SHANK2: variants seen among roughly 807,000 people sequenced by gnomAD.
SHANK2 encodes the protein SH3 and multiple ankyrin repeat domains 2.
SHANK2 carries 43 observed loss-of-function variants against 133.7 expected under a neutral mutation model. The ratio of observed to expected loss-of-function variants is 0.32; its 90% CI spans 0.25 to 0.41. The LOEUF is 0.41. Ranked by LOEUF, SHANK2 falls within the 10% of genes least tolerant of loss-of-function variation. SHANK2 has a pLI of 1.00. For synonymous variants in SHANK2, 1,017 were observed against 952.8 expected, an observed-to-expected ratio of 1.07 and a Z score of -1.24; for missense variants, 1,994 against 2,235.8, an observed-to-expected ratio of 0.89 and a Z score of 2.18.
chr11:70,927,652 G>T lies in SHANK2; in HGVS notation c.1108-31085C>A, dbSNP rs998446739. Among the ~76,000 whole-genome samples, 3 of 152,174 alleles carry T rather than the reference G, an allele frequency of 2.0e-5. No homozygotes were observed. In the South Asian group the frequency reaches 6.2e-4, roughly 32 times the overall value. The stretch of plus-strand genomic sequence containing the variant: ...AGGGTCCTGGTGACCTTCAAGGCCA[G>T]TGACAGTTCATTTTATGCATCACCT... On this transcript the variant is annotated intron_variant, in intron 10 of 25. Coordinates refer to ENST00000601538, the MANE Select transcript of SHANK2 (RefSeq NM_012309.5).
In SHANK2 at chr11:70,479,010, T is replaced by C. The variant is rs1204930018; in HGVS notation, c.4980-5571A>G. Among the ~76,000 whole-genome samples, 5 of 152,192 alleles carry C rather than the reference T, an allele frequency of 3.3e-5. No individual in the cohort carries two copies. The highest frequency in any genetic ancestry group is 9.7e-5 in the African/African-American group (4 of 41,442). ...ATATGCTTTTGCCAAAAGGGCCTCA[T>C]GTCCAAAATGGGGAGGAAGATTCTG... On this transcript the variant is annotated intron_variant, in intron 25 of 25. Transcript: ENST00000601538. The surrounding 1 kb of genome is among the most constrained non-coding windows in gnomAD (Gnocchi z 4.4).
chr11:70,712,086 T>C lies in SHANK2; in HGVS notation c.1778-13323A>G, dbSNP rs561732407. 9.9e-5 allele frequency among the ~76,000 whole-genome samples: 15 copies of C among 152,230 alleles called. No individual in the cohort carries two copies. The East Asian group carries it at 2.9e-3, about 30-fold the overall frequency. ...GTGGAGCTTCCTTCCTGCTGGAGGC[T>C]CCTGGAGTGTGGGGGATCCACTTGC... On this transcript the variant is annotated intron_variant, in intron 14 of 25. Coordinates refer to ENST00000601538, the MANE Select transcript of SHANK2 (RefSeq NM_012309.5).
chr11:70,816,219 G>A (rs1287113819), intron 12 of SHANK2, among the ~76,000 whole-genome samples: 3 of 152,264 alleles, frequency 2.0e-5, no homozygotes, highest in Non-Finnish European at 4.4e-5. Context: ...GCACACTCGG[G>A]AGGGGGTGAA....
intron 11 of SHANK2, among the ~76,000 whole-genome samples, chr11:70,875,063 T>C (rs1555070921): frequency 6.6e-6 from 1 of 152,204 alleles, no homozygotes; most frequent in Non-Finnish European, 1.5e-5. Flanking sequence ...CACAGATACA[T>C]TTCAACAGCA....
chr11:70,865,845 T>C (rs536888523), intron 11 of SHANK2, among the ~76,000 whole-genome samples: 1 of 152,208 alleles, frequency 6.6e-6, no homozygotes, highest in Non-Finnish European at 1.5e-5. Flanking sequence ...ACCAAGCACC[T>C]GCCTTGTGCT....
At chr11:70,568,202 T>C (rs1346080250) in intron 17 of SHANK2, among the ~76,000 whole-genome samples, 1 of 152,188 alleles carries the variant, frequency 6.6e-6, no homozygotes, top group African/African-American at 2.4e-5. Flanking sequence ...TGCAGCCTCT[T>C]CCGCGAGACT....
chr11:70,613,201 T>C (rs1438605689), intron 17 of SHANK2, among the ~76,000 whole-genome samples: 1 of 152,090 alleles, frequency 6.6e-6, no homozygotes, highest in Non-Finnish European at 1.5e-5. Flanking sequence ...TTTTTCATGT[T>C]TTTCTTTTTT....
At chr11:70,838,091 A>G (rs1031602100) in intron 11 of SHANK2, among the ~76,000 whole-genome samples, 3 of 151,152 alleles carry the variant, frequency 2.0e-5, no homozygotes, top group Non-Finnish European at 4.4e-5. Flanking sequence ...CTGGACTTGT[A>G]TGGTGTTTGC....
intron 3 of SHANK2, among the ~76,000 whole-genome samples, chr11:71,142,631 G>C (rs1952578568): frequency 6.6e-6 from 1 of 152,302 alleles, no homozygotes; most frequent in South Asian, 2.1e-4. Context: ...TACTATCCCT[G>C]AAATAAAGGA....
chr11:71,100,162 A>C (rs1376272852), intron 6 of SHANK2, among the ~76,000 whole-genome samples: 1 of 152,166 alleles, frequency 6.6e-6, no homozygotes, highest in African/African-American at 2.4e-5. Flanking sequence ...CATCATTGCC[A>C]GTAGGAGTGT....
intron 10 of SHANK2, among the ~76,000 whole-genome samples, chr11:70,938,135 G>A (rs1374134734): frequency 2.6e-5 from 4 of 152,158 alleles, no homozygotes; most frequent in East Asian, 3.8e-4. Context: ...GGACAAATCC[G>A]ATTGGCTCAA....
At chr11:70,742,952 G>A (rs564895117) in intron 14 of SHANK2, among the ~76,000 whole-genome samples, 11 of 152,356 alleles carry the variant, frequency 7.2e-5, no homozygotes, top group South Asian at 2.1e-4. Context: ...CTGGCCTGGC[G>A]TCCTTGGATG....
intron 17 of SHANK2, among the ~76,000 whole-genome samples, chr11:70,651,933 A>G (rs2061343864): frequency 6.6e-6 from 1 of 152,226 alleles, no homozygotes; most frequent in Non-Finnish European, 1.5e-5. Flanking sequence ...CATCAGGTCC[A>G]CCAGCAGGAC....
chr11:70,831,710 T>G (rs1590737027), intron 11 of SHANK2, among the ~76,000 whole-genome samples: 1 of 152,400 alleles, frequency 6.6e-6, no homozygotes, highest in Middle Eastern at 3.4e-3. Context: ...TCTGAAGTCC[T>G]GGCGGGGACG....
chr11:70,827,644 T>G (rs1220327317), intron 11 of SHANK2, among the ~76,000 whole-genome samples: 57 of 149,224 alleles, frequency 3.8e-4, no homozygotes, highest in African/African-American at 1.2e-3. Flanking sequence ...GTGTGTTTTT[T>G]TTTTTTTTTT....
At chr11:71,149,784 G>A (rs1952730476) in intron 2 of SHANK2, among the ~76,000 whole-genome samples, 1 of 140,802 alleles carries the variant, frequency 7.1e-6, no homozygotes, top group Non-Finnish European at 1.5e-5. Context: ...ATGGATGGAT[G>A]AATGGATGGA....
At chr11:70,582,727 G>A (rs1272913420) in intron 17 of SHANK2, among the ~76,000 whole-genome samples, 1 of 152,342 alleles carries the variant, frequency 6.6e-6, no homozygotes, top group East Asian at 1.9e-4. Context: ...AAAACACAGC[G>A]TGTCACAGGC....
At chr11:70,748,991 C>T (rs1418594938) in intron 14 of SHANK2, among the ~76,000 whole-genome samples, 1 of 128,866 alleles carries the variant, frequency 7.8e-6, no homozygotes, top group Admixed American at 7.6e-5. Context: ...GAATCCCCCC[C>T]ATCACACACA....
At chr11:70,610,654 C>T (rs1390996099) in intron 17 of SHANK2, among the ~76,000 whole-genome samples, 2 of 152,234 alleles carry the variant, frequency 1.3e-5, no homozygotes, top group South Asian at 2.1e-4. Context: ...AGCTGCTGAT[C>T]GGCTCCAGCG....
Sources: allele counts gnomAD v4.1 joint callset (sites outside exome capture counted in the v4.1 genomes callset), GRCh38; gene constraint gnomAD v4.1.1; non-coding constraint Gnocchi (gnomAD v3.1); transcripts MANE v1.5; gene names NCBI Gene and HGNC (gene_info 2026-07-23, HGNC 2026-07-21).